RBFOX1: variants seen among roughly 807,000 people sequenced by gnomAD.
The protein encoded by RBFOX1 is RNA binding fox-1 homolog 1, also known as RNA binding protein fox-1 homolog 1.
RBFOX1 carries 8 observed loss-of-function variants against 57.7 expected under a neutral mutation model. The observed-to-expected ratio is 0.14, with a 90% CI of 0.08 to 0.25. The LOEUF (loss-of-function observed/expected upper bound fraction) is 0.25, where lower values mean the gene tolerates loss of function less well. Ranked by LOEUF, RBFOX1 falls within the 10% of genes least tolerant of loss-of-function variation. The pLI, the probability that RBFOX1 is intolerant of heterozygous loss-of-function variation, is 1.00. For missense variants in RBFOX1, 611 were observed against 548.5 expected (o/e 1.11, Z -1.14); for synonymous variants, 326 against 222.4 (o/e 1.47, Z -4.15).
chr16:7,609,900 C>A (rs188770647), intron 10 of RBFOX1, among the ~76,000 whole-genome samples: 2 of 151,912 alleles, frequency 1.3e-5, no homozygotes, highest in Non-Finnish European at 2.9e-5. Flanking sequence ...TCACTGCAAG[C>A]TCTGCCTCCC....
Position 5,649,063 on chromosome 16 carries a change from C to CA in RBFOX1, c.318+50111dup, listed in dbSNP as rs199712535. Among the ~76,000 whole-genome samples, 938 of 145,320 alleles carry CA rather than the reference C, an allele frequency of 6.5e-3. 17 individuals are homozygous for CA. The highest frequency in any genetic ancestry group is 0.056 in the East Asian group (270 of 4,860). The stretch of plus-strand genomic sequence containing the variant: ...TGAGAGACAGAATGAGACTCTGTAT[C>CA]AAAAAAAAATATATATCAGATGTTT... On this transcript the variant is annotated intron_variant, in intron 3 of 19. Coordinates refer to the RBFOX1 transcript ENST00000641259.
At chr16:6,464,489 C>T (rs1338173928) in intron 2 of RBFOX1, among the ~76,000 whole-genome samples, 1 of 152,200 alleles carries the variant, frequency 6.6e-6, no homozygotes, top group South Asian at 2.1e-4. Context: ...AAGTCCTACC[C>T]TGATCTAATG....
In RBFOX1 at chr16:7,022,242, G is replaced by A. The variant is rs529407410; in HGVS notation, c.-15-29815G>A. 2.7e-5 allele frequency among the ~76,000 whole-genome samples: 4 copies of A among 150,644 alleles called. No individual in the cohort carries two copies. In the South Asian group the frequency reaches 6.4e-4, roughly 24 times the overall value. On this transcript the variant is annotated intron_variant, in intron 3 of 15. Coordinates refer to ENST00000550418, the MANE Select transcript of RBFOX1 (RefSeq NM_018723.4). The stretch of plus-strand genomic sequence containing the variant: ...AATTTTTGTATTCTTTGGTAGAGAC[G>A]GGATTTCACCATGTTGGCCAGGTTC...
At chr16:7,485,051 A>G (rs1567434557) in intron 4 of RBFOX1, among the ~76,000 whole-genome samples, 1 of 108,568 alleles carries the variant, frequency 9.2e-6, no homozygotes, top group Non-Finnish European at 1.8e-5. Context: ...ACGTTCCCCA[A>G]CATTAATCCA....
chr16:5,563,177 G>C (rs983361493), intron 2 of RBFOX1, among the ~76,000 whole-genome samples: 2 of 152,196 alleles, frequency 1.3e-5, no homozygotes, highest in Admixed American at 6.5e-5. Context: ...TTGAACTCCT[G>C]ACATCAGGTG....
intron 4 of RBFOX1, among the ~76,000 whole-genome samples, chr16:5,872,924 A>C (rs974340935): frequency 1.1e-4 from 17 of 152,078 alleles, no homozygotes; most frequent in African/African-American, 4.1e-4. Flanking sequence ...AGGCCAAGAC[A>C]GGTGAATTAT....
intron 2 of RBFOX1, among the ~76,000 whole-genome samples, chr16:6,515,243 G>A (rs189677960): frequency 6.6e-6 from 1 of 152,292 alleles, no homozygotes; most frequent in Admixed American, 6.5e-5. Context: ...AGGATGCTGA[G>A]CAAAGTGGCT....
At chr16:6,787,963 C>G (rs545722381) in intron 3 of RBFOX1, among the ~76,000 whole-genome samples, 1 of 151,604 alleles carries the variant, frequency 6.6e-6, no homozygotes, top group East Asian at 1.9e-4. Context: ...TGGCTCATGT[C>G]TGTAATCCCA....
chr16:6,803,115 T>A lies in RBFOX1; in HGVS notation c.-16+148465T>A, dbSNP rs568655886. ...TCACCCACTCTGCAGACTCAAAACC[T>A]CTGAGCTAGACCATGCCTTGATTTT... On this transcript the variant is annotated intron_variant, in intron 3 of 15. Coordinates refer to ENST00000550418, the MANE Select transcript of RBFOX1 (RefSeq NM_018723.4). Among the ~76,000 whole-genome samples the A allele has an allele frequency of 7.2e-5, 11 of 152,140 alleles. 1 individual carries two copies. In the South Asian group the frequency reaches 2.1e-3, roughly 29 times the overall value.
At chr16:7,696,088 T>A (rs916737446) in intron 14 of RBFOX1, among the ~76,000 whole-genome samples, 1 of 152,166 alleles carries the variant, frequency 6.6e-6, no homozygotes, top group South Asian at 2.1e-4. Context: ...TGCCAACACA[T>A]CTGGTCTGCT....
At chr16:6,288,050 C>G (rs2077076554) in intron 1 of RBFOX1, among the ~76,000 whole-genome samples, 1 of 152,176 alleles carries the variant, frequency 6.6e-6, no homozygotes, top group African/African-American at 2.4e-5. Flanking sequence ...ACTCTGCTAA[C>G]ATGGCTCACA....
At chr16:6,672,701 G>T (rs117514013) in intron 3 of RBFOX1, among the ~76,000 whole-genome samples, 1 of 152,120 alleles carries the variant, frequency 6.6e-6, no homozygotes, top group African/African-American at 2.4e-5. Flanking sequence ...CTGCTTTTCT[G>T]CTTTTCTTGG....
chr16:5,596,927 C>G (rs2047201686), intron 2 of RBFOX1, among the ~76,000 whole-genome samples: 1 of 152,124 alleles, frequency 6.6e-6, no homozygotes, highest in Non-Finnish European at 1.5e-5. Context: ...GGCATGAGGA[C>G]CATTCTCTGT....
chr16:7,118,849 C>T (rs752334105), intron 4 of RBFOX1, among the ~76,000 whole-genome samples: 3 of 152,126 alleles, frequency 2.0e-5, no homozygotes, highest in African/African-American at 7.2e-5. Flanking sequence ...AGAATGGAAG[C>T]ATATACCAAA....
chr16:6,819,254 C>A (rs2090785317), intron 3 of RBFOX1, among the ~76,000 whole-genome samples: 1 of 152,192 alleles, frequency 6.6e-6, no homozygotes, highest in South Asian at 2.1e-4. Context: ...CATCATTTAA[C>A]TTTGTGTCTC....
chr16:7,355,564 G>A lies in RBFOX1; in HGVS notation c.28-162583G>A, dbSNP rs911257844. Among the ~76,000 whole-genome samples, 49 of 152,256 alleles carry A rather than the reference G, an allele frequency of 3.2e-4. No individual in the cohort carries two copies. The Middle Eastern group carries it at 0.01, about 32-fold the overall frequency. On this transcript the variant is annotated intron_variant, in intron 4 of 15. Transcript: ENST00000550418. ...GCAAGTGGGATCTCATCACCCACAT[G>A]ATTTTGCTCATTGCTTTTATTTATC...
At chr16:7,113,794 A>T (rs984488291) in intron 4 of RBFOX1, among the ~76,000 whole-genome samples, 2 of 152,244 alleles carry the variant, frequency 1.3e-5, no homozygotes, top group Admixed American at 1.3e-4. Context: ...GATGATGGGC[A>T]TTAAAGTTCC....
chr16:6,511,058 A>T (rs1270689242), intron 2 of RBFOX1, among the ~76,000 whole-genome samples: 6 of 152,194 alleles, frequency 3.9e-5, no homozygotes, highest in African/African-American at 1.2e-4. Context: ...TGAGGTTGCA[A>T]GCATCCAGGA....
chr16:5,514,329 G>A (rs148207230), intron 2 of RBFOX1, among the ~76,000 whole-genome samples: 3,412 of 152,242 alleles, frequency 0.022, 59 homozygotes, highest in Middle Eastern at 0.041. Flanking sequence ...GGCTCGTCTG[G>A]GCATGTGTTT....
Sources: gnomAD v4.1 joint callset for allele counts (sites outside exome capture counted in the v4.1 genomes callset) on GRCh38, gnomAD v4.1.1 for gene constraint, MANE v1.5 for transcripts, NCBI Gene and HGNC (gene_info 2026-07-23, HGNC 2026-07-21) for gene names.